GIGYF2: variants seen among roughly 807,000 people sequenced by gnomAD.
The protein encoded by GIGYF2 is GRB10 interacting GYF protein 2.
In GIGYF2, 25 loss-of-function variants were observed where a neutral mutation model predicts 208.1. The ratio of observed to expected loss-of-function variants is 0.12; its 90% CI spans 0.09 to 0.17. GIGYF2 has a LOEUF of 0.17. Ranked by LOEUF, GIGYF2 falls within the 10% of genes least tolerant of loss-of-function variation. The pLI is 1.00. For missense variants in GIGYF2, 1,302 were observed against 1,579.4 expected (o/e 0.82, Z 2.98); for synonymous variants, 534 against 543.8 (o/e 0.98, Z 0.25).
chr2:232,819,655 A>G (rs180796658), intron 20 of GIGYF2, among the ~76,000 whole-genome samples, 172 bp from the exon 21 acceptor site: 180 of 152,290 alleles, frequency 1.2e-3, no homozygotes, highest in Admixed American at 6.1e-3. Context: ...AATGCGTCCA[A>G]TTCCCCAATT....
chr2:232,819,275 G>A (rs1480211053), intron 20 of GIGYF2, among the ~76,000 whole-genome samples: 2 of 152,142 alleles, frequency 1.3e-5, no homozygotes, highest in Non-Finnish European at 2.9e-5. Context: ...TCTGTGTTGC[G>A]CAGTTTTCTA....
intron 23 of GIGYF2, among the ~76,000 whole-genome samples, chr2:232,841,461 ATTTTTTTTTT>A (rs57307878): frequency 0.016 from 2,207 of 138,758 alleles, 69 homozygotes; most frequent in African/African-American, 0.054. Flanking sequence ...ACCACCAGCT[ATTTTTTTTTT>A]TTTTTTTTTT....
chr2:232,847,125 C>A (rs572425111), intron 26 of GIGYF2, among the ~76,000 whole-genome samples: 11 of 152,230 alleles, frequency 7.2e-5, no homozygotes, highest in African/African-American at 2.6e-4. Context: ...GTATAACATT[C>A]AGTGAAATTA....
chr2:232,821,525 T>C (rs1028199728), intron 21 of GIGYF2, among the ~76,000 whole-genome samples: 5 of 152,200 alleles, frequency 3.3e-5, no homozygotes, highest in African/African-American at 1.2e-4. Flanking sequence ...CTATTTTTTT[T>C]CTTACAAGTT....
At position 232,791,399 on chromosome 2, in the gene GIGYF2, C is replaced by G. The variant is rs781387511; in HGVS notation, c.1235C>G (p.Thr412Ser). The change falls in exon 12 of 29, where the codon ACT becomes AGT. Residue 412 changes from threonine (T) to serine (S), a missense_variant. This residue lies in a region of GIGYF2 where 235 missense variants were observed against 218.8 expected (regional missense o/e 1.07). Transcript: ENST00000373563. Reference protein sequence around the residue: ...TEQTEKAEEETRMENSLPAKV... With the variant: ...TEQTEKAEEESRMENSLPAKV... The stretch of plus-strand genomic sequence containing the variant: ...CAAACGGAAAAAGCTGAAGAGGAGA[C>G]TCGGATGGAAAATAGTCTACCAGCC... 4 of 1,613,976 alleles carry G rather than the reference C, an allele frequency of 2.5e-6. No individual in the cohort carries two copies. Among genetic ancestry groups the G allele is most frequent in the Non-Finnish European group, 2.5e-6 (3 of 1,179,962 alleles).
chr2:232,831,012 C>G (rs995969061), intron 21 of GIGYF2, among the ~76,000 whole-genome samples: 1 of 152,102 alleles, frequency 6.6e-6, no homozygotes, highest in Non-Finnish European at 1.5e-5. Flanking sequence ...AAGTTTTTCT[C>G]ATGAATAGAC....
intron 8 of GIGYF2, chr2:232,766,465 A>G (rs1226742100): frequency 6.5e-6 from 1 of 153,424 alleles, no homozygotes; most frequent in Non-Finnish European, 1.5e-5. Context: ...CATACCATGT[A>G]AGTCTTCAAT....
At chr2:232,833,509 C>T (rs910704319) in intron 22 of GIGYF2, among the ~76,000 whole-genome samples, 4 of 152,204 alleles carry the variant, frequency 2.6e-5, no homozygotes, top group African/African-American at 7.2e-5. Context: ...GTTTTTTGAT[C>T]ATCAATAAGA....
intron 5 of GIGYF2, among the ~76,000 whole-genome samples, chr2:232,755,064 G>C (rs1698481088): frequency 6.6e-6 from 1 of 152,126 alleles, no homozygotes; most frequent in South Asian, 2.1e-4. Context: ...AAAGAAGGTG[G>C]TATAGACATC....
rs551969098 is a variant in GIGYF2, at chr2:232,750,198, CA to C, written c.267+1120del. On this transcript the variant is annotated intron_variant, in intron 5 of 28. Transcript: ENST00000373563. The stretch of plus-strand genomic sequence containing the variant: ...GACTCCATTAAAAAAAAAAAAGAAA[CA>C]AAATGTTGGCATATGTCCTTTACTT... Among the ~76,000 whole-genome samples the C allele has an allele frequency of 5.8e-3, 866 of 150,332 alleles. 3 individuals are homozygous for C. Among genetic ancestry groups the C allele is most frequent in the African/African-American group, 0.02 (825 of 40,990 alleles).
At chr2:232,773,830 G>A (rs1040337513) in intron 8 of GIGYF2, among the ~76,000 whole-genome samples, 1 of 151,122 alleles carries the variant, frequency 6.6e-6, no homozygotes, top group Non-Finnish European at 1.5e-5. Flanking sequence ...CCAGCACTTC[G>A]GGAGGCCGAG....
intron 8 of GIGYF2, among the ~76,000 whole-genome samples, chr2:232,761,983 T>C (rs1210882465): frequency 6.6e-6 from 1 of 151,760 alleles, no homozygotes; most frequent in Non-Finnish European, 1.5e-5. Context: ...TCATAATTTG[T>C]ATTTAAATTT....
At chr2:232,724,207 A>ATTTTTTTTTTTTTTTT (rs1163865821) in intron 2 of GIGYF2, among the ~76,000 whole-genome samples, 1 of 114,228 alleles carries the variant, frequency 8.8e-6, no homozygotes, top group African/African-American at 3.6e-5. Flanking sequence ...ACACCTGGCT[A>ATTTTTTTTTTTTTTTT]TTTTTTTTTT....
chr2:232,827,819 A>G (rs1342182995), intron 21 of GIGYF2, among the ~76,000 whole-genome samples: 1 of 152,198 alleles, frequency 6.6e-6, no homozygotes, highest in Non-Finnish European at 1.5e-5. Context: ...ATGTAAAGCA[A>G]TATATTTCTC....
intron 5 of GIGYF2, among the ~76,000 whole-genome samples, chr2:232,753,097 GTATTTATTTATTTATTTATTTATT>G (rs58602448): frequency 7.0e-6 from 1 of 143,288 alleles, no homozygotes; most frequent in African/African-American, 2.6e-5. Flanking sequence ...ACACTTGACA[GTATTTATTTATTTATTTATTTATT>G]TATTTATTTA....
At chr2:232,748,105 A>G (rs1422774860) in intron 4 of GIGYF2, among the ~76,000 whole-genome samples, 3 of 152,208 alleles carry the variant, frequency 2.0e-5, no homozygotes, top group Non-Finnish European at 4.4e-5. Context: ...ACTTAAAAAT[A>G]AAGAGCCAAC....
At chr2:232,768,768 G>A in intron 8 of GIGYF2, 1 of 1,600,536 alleles carries the variant, frequency 6.2e-7, no homozygotes, top group Non-Finnish European at 8.5e-7. Flanking sequence ...AAAGCGAATT[G>A]AAAAAGCTCG....
chr2:232,822,318 T>C (rs956755740), intron 21 of GIGYF2, among the ~76,000 whole-genome samples: 8 of 152,370 alleles, frequency 5.3e-5, no homozygotes, highest in Admixed American at 2.0e-4. Context: ...GTTTTCGTTA[T>C]ACAGGTTATG....
At position 232,847,319 on chromosome 2, in the gene GIGYF2, C is replaced by T. The variant is rs774110361; in HGVS notation, c.3461-29C>T. 4 of 1,605,744 alleles carry T rather than the reference C, an allele frequency of 2.5e-6. No homozygotes were observed. In the Admixed American group the frequency reaches 6.7e-5, roughly 27 times the overall value. The stretch of plus-strand genomic sequence containing the variant: ...GTTCTCTTTCATTATTTCATTGTTA[C>T]CCTTATCTTCTCCCCTCCCGTTTTG... On this transcript the variant is annotated intron_variant, in intron 26 of 28. Coordinates refer to ENST00000373563, the MANE Select transcript of GIGYF2 (RefSeq NM_001103146.3).
Sources: gnomAD v4.1 joint callset for allele counts (sites outside exome capture counted in the v4.1 genomes callset) on GRCh38, gnomAD v4.1.1 for gene constraint, gnomAD v4.1.1 regional missense constraint, MANE v1.5 for transcripts, NCBI Gene and HGNC (gene_info 2026-07-23, HGNC 2026-07-21) for gene names.